DYNLL1: variants seen among roughly 807,000 people sequenced by gnomAD.
DYNLL1 encodes dynein light chain 1, cytoplasmic.
In DYNLL1, 3 loss-of-function variants were observed where a neutral mutation model predicts 10.1. The observed-to-expected ratio is 0.30, with a 90% confidence interval of 0.14 to 0.77. The LOEUF (loss-of-function observed/expected upper bound fraction) is 0.77, where lower values mean the gene tolerates loss of function less well. DYNLL1 is among the 30% of genes least tolerant of loss of function. DYNLL1 has a pLI of 0.66. For synonymous variants in DYNLL1, 46 were observed against 41.2 expected (o/e 1.12, Z -0.45); for missense variants, 47 against 111.7 (o/e 0.42, Z 2.61).
At chr12:120,478,105 T>G (rs138473181) in intron 1 of DYNLL1, among the ~76,000 whole-genome samples, 2,048 of 149,972 alleles carry the variant, frequency 0.014, 72 homozygotes, top group Admixed American at 0.078. Context: ...AGTTTTTTTT[T>G]TTGTTGTTGT....
At chr12:120,495,692 TG>T (rs1271279106), upstream of DYNLL1, 3 of 7,092 alleles carry the variant, frequency 4.2e-4, no homozygotes, top group East Asian at 0.014. Context: ...CCTGTCGTGG[TG>T]GGGGGGCGGG....
In DYNLL1 at chr12:120,482,352, G is replaced by A. The variant is rs532855765; in HGVS notation, c.-7+12248G>A. On this transcript the variant is annotated intron_variant, in intron 1 of 2. Coordinates refer to the DYNLL1 transcript ENST00000392509. ...TTTTTTTTTTTTTTGAGATGGAGTC[G>A]CGCTCTATCGCCCAGGCTGTAGTGC... 2.1e-3 allele frequency among the ~76,000 whole-genome samples: 319 copies of A among 150,202 alleles called. 3 individuals are homozygous for A. Among genetic ancestry groups the A allele is most frequent in the Non-Finnish European group, 1.7e-3 (117 of 67,728 alleles).
At chr12:120,496,243 G>T in intron 1 of DYNLL1, 27 bp downstream of exon 1, 1 of 928,118 alleles carries the variant, frequency 1.1e-6, no homozygotes, top group Non-Finnish European at 1.6e-6. Context: ...GCCAGGGGGT[G>T]TCCTCGCTGC....
rs867504419 is a variant in DYNLL1 at position 120,473,716 on chromosome 12, A to T, written c.-7+3612A>T. 6.3e-5 allele frequency among the ~76,000 whole-genome samples: 9 copies of T among 142,224 alleles called. No homozygotes were observed. In the South Asian group the frequency reaches 2.0e-3, roughly 32 times the overall value. The allele number at this position is 142,224 out of a possible 152,430, so 93.3% of individuals were successfully genotyped here. ...TCAAAAAAAAAAAAAAAAAAAAATT[A>T]AAAAATTATCTAGGCATGGTAACGT... On this transcript the variant is annotated intron_variant, in intron 1 of 2. Transcript: ENST00000392509.
rs147364479 is a variant in DYNLL1, at chr12:120,498,003, G to C, written c.133-70G>C. On this transcript the variant is annotated intron_variant, in intron 2 of 2. Transcript: ENST00000242577. The stretch of plus-strand genomic sequence containing the variant: ...CCTCCTTTCTGCCCCTACAGGCTCT[G>C]GCTTATCCAAGAGGCAAACACTGAC... 77 of 1,499,348 alleles carry C rather than the reference G, an allele frequency of 5.1e-5. No homozygotes were observed. The East Asian group carries it at 1.8e-3, about 34-fold the overall frequency. 92.9% of individuals were successfully genotyped at this position (1,499,348 alleles called of 1,614,324 possible).
chr12:120,481,472 AT>A (rs1335257482), intron 1 of DYNLL1, among the ~76,000 whole-genome samples: 2 of 152,148 alleles, frequency 1.3e-5, no homozygotes, highest in African/African-American at 4.8e-5. Flanking sequence ...AGGTTCAATA[AT>A]TTACTAGAGT....
rs1868528117 is a variant in DYNLL1 at position 120,498,186 on chromosome 12, C to T, written c.246C>T (p.Ala82=). The change falls in exon 3 of 3, where the codon GCC becomes GCT. Residue 82 remains alanine (A), a synonymous_variant. Coordinates refer to ENST00000242577, the MANE Select transcript of DYNLL1 (RefSeq NM_003746.3). ...TCTACTTCTACCTGGGCCAAGTGGC[C>T]ATTCTTCTGTTCAAATCTGGTTAAA... The part of the protein sequence containing the change: ...HFIYFYLGQV[A]ILLFKSG 6.2e-7 allele frequency: 1 copy of T among 1,613,760 alleles called. No individual in the cohort carries two copies. Among genetic ancestry groups the T allele is most frequent in the Non-Finnish European group, 8.5e-7 (1 of 1,179,984 alleles).
intron 2 of DYNLL1, 70 bp from the exon 3 acceptor site, chr12:120,498,003 G>T: frequency 1.3e-6 from 2 of 1,499,348 alleles, no homozygotes; most frequent in Non-Finnish European, 1.8e-6. Flanking sequence ...TACAGGCTCT[G>T]GCTTATCCAA....
chr12:120,469,951 C>T, exon 1 of DYNLL1: 1 of 180,954 alleles, frequency 5.5e-6, no homozygotes, highest in Non-Finnish European at 1.2e-5. Flanking sequence ...TCCCGCGCCT[C>T]AGTTTCTCTC....
intron 1 of DYNLL1, 70 bp downstream of exon 1, chr12:120,496,286 G>A (rs754295556): frequency 2.6e-5 from 36 of 1,378,616 alleles, no homozygotes; most frequent in Non-Finnish European, 3.4e-5. Flanking sequence ...TTAGCCCTCC[G>A]CGTAGCCCGC....
intron 1 of DYNLL1, among the ~76,000 whole-genome samples, chr12:120,472,085 CAG>C (rs749736466): frequency 3.3e-5 from 5 of 151,728 alleles, no homozygotes; most frequent in African/African-American, 4.8e-5. Flanking sequence ...TTTAATATGA[CAG>C]AGATATTAAA....
intron 2 of DYNLL1, chr12:120,497,797 G>A: frequency 2.5e-6 from 1 of 402,356 alleles, no homozygotes; most frequent in Non-Finnish European, 4.5e-6. Context: ...AAGGTATGAA[G>A]GTGTAATTAC....
chr12:120,496,388 A>G (rs748980731), intron 1 of DYNLL1, 28 bp from the exon 2 acceptor site: 11 of 1,612,994 alleles, frequency 6.8e-6, no homozygotes, highest in African/African-American at 1.3e-5. Flanking sequence ...GCCCAACTCA[A>G]CCCCTTACCC....
intron 1 of DYNLL1, among the ~76,000 whole-genome samples, chr12:120,479,449 C>CAAAAAAAAAAAAAAAAAAAAA (rs71076617): frequency 1.3e-5 from 1 of 76,116 alleles, no homozygotes; most frequent in Non-Finnish European, 2.6e-5. Flanking sequence ...ACTCCGTCTC[C>CAAAAAAAAAAAAAAAAAAAAA]AAAAAAAAAA....
At chr12:120,486,333 C>A (rs2137063867) in intron 1 of DYNLL1, among the ~76,000 whole-genome samples, 2 of 152,200 alleles carry the variant, frequency 1.3e-5, no homozygotes, top group Middle Eastern at 3.4e-3. Context: ...TTATGTACAG[C>A]CTTAAGCTCT....
intron 1 of DYNLL1, among the ~76,000 whole-genome samples, chr12:120,477,859 C>T (rs914426805): frequency 6.6e-6 from 1 of 151,880 alleles, no homozygotes; most frequent in Admixed American, 6.6e-5. Context: ...TGCAATGGTG[C>T]GATGTCAGCT....
At position 120,476,854 on chromosome 12, in the gene DYNLL1, C is replaced by T. The variant is rs182737855; in HGVS notation, c.-7+6750C>T. Among the ~76,000 whole-genome samples, 360 of 152,034 alleles carry T rather than the reference C, an allele frequency of 2.4e-3. 2 individuals carry two copies. Among genetic ancestry groups the T allele is most frequent in the African/African-American group, 8.1e-3 (335 of 41,468 alleles). ...CTCGAACTCCCAACCTCAGGTGGTC[C>T]GCCCGCCTTGGCCTCCCAAAGTGCT... On this transcript the variant is annotated intron_variant, in intron 1 of 2. Transcript: ENST00000392509.
Position 120,478,799 on chromosome 12 carries a change from C to T in DYNLL1, c.-7+8695C>T, listed in dbSNP as rs547479748. ...TCCTGGGTTCAAGCAATTCTCCTGT[C>T]CCAGCCTCCCGAGTAGATGGGATTA... On this transcript the variant is annotated intron_variant, in intron 1 of 2. Coordinates refer to the DYNLL1 transcript ENST00000392509. Among the ~76,000 whole-genome samples the T allele has an allele frequency of 4.6e-5, 7 of 150,652 alleles. No homozygotes were observed. The South Asian group carries it at 1.5e-3, about 32-fold the overall frequency.
At chr12:120,497,056 G>A in intron 2 of DYNLL1, 1 of 203,426 alleles carries the variant, frequency 4.9e-6, no homozygotes, top group Non-Finnish European at 1.0e-5. Context: ...TTGCTGGAAG[G>A]GAAGAAAGCT....
Sources: gnomAD v4.1 joint callset for allele counts (sites outside exome capture counted in the v4.1 genomes callset) on GRCh38, gnomAD v4.1.1 for gene constraint, MANE v1.5 for transcripts, NCBI Gene and HGNC (gene_info 2026-07-23, HGNC 2026-07-21) for gene names.